RBM44: variants seen among roughly 807,000 people sequenced by gnomAD.
The protein encoded by RBM44 is RNA-binding protein 44.
Under a neutral mutation model 105.1 loss-of-function variants are expected in RBM44, and 66 were observed. The observed-to-expected ratio is 0.63, with a 90% CI of 0.52 to 0.77. The LOEUF is 0.77. Among genes scored for constraint, RBM44 ranks in the 30% least tolerant of loss-of-function variants. The pLI is 0.00. For synonymous variants in RBM44, 365 were observed against 417.6 expected, an observed-to-expected ratio of 0.87 and a Z score of 1.54; for missense variants, 1,122 against 1,207.8, an observed-to-expected ratio of 0.93 and a Z score of 1.05.
In RBM44 at chr2:237,827,285, G is replaced by A; in HGVS notation, c.2485G>A (p.Gly829Ser). ...KNVEPSQRDK[G>S]YLIHVGGLCP... ...TGTTGAACCCTCACAAAGAGATAAA[G>A]GTTATTTGATACATGTTGGTGGCCT... Residue 829 changes from glycine to serine, a missense_variant, in exon 11 of 16, where the codon GGT becomes AGT. Physicochemically the swap from Gly to Ser is moderately conservative, Grantham distance 56 (BLOSUM62 0). This residue lies in a region of RBM44 where 918 missense variants were observed against 955.3 expected (regional missense o/e 0.96). Transcript: ENST00000316997. 1 of 1,594,894 alleles carries A rather than the reference G, an allele frequency of 6.3e-7. No homozygotes were observed. Among genetic ancestry groups the A allele is most frequent in the South Asian group, 1.1e-5 (1 of 88,464 alleles).
chr2:237,821,366 T>C lies in RBM44; in HGVS notation c.2118T>C (p.His706=). ...FASRLMKKET[H]VFSEADAEQD... ...TCCAGCTAATGAAAAAAGAAACACA[T>C]GTGTGAGTTATGGTTTCATTTGATT... Residue 706 remains histidine, a splice_region_variant and synonymous_variant, in exon 7 of 16, where the codon CAT becomes CAC. Coordinates refer to ENST00000316997, the MANE Select transcript of RBM44 (RefSeq NM_001080504.3). 6.4e-7 allele frequency: 1 copy of C among 1,557,080 alleles called. No individual in the cohort carries two copies. Among genetic ancestry groups the C allele is most frequent in the Non-Finnish European group, 8.7e-7 (1 of 1,148,112 alleles).
chr2:237,824,330 A>T lies in RBM44; in HGVS notation c.2360A>T (p.Asp787Val). ...HYQETSEDWS[D>V]AKESLTGVDV... is the part of the protein sequence containing the mutation. ...CAAGAGACAAGCGAAGACTGGTCTG[A>T]TGCTAAAGAGAGCCTGACAGGAGTT... Residue 787 changes from aspartate (D) to valine (V), a missense_variant, in exon 10 of 16, where the codon GAT becomes GTT. Coordinates refer to ENST00000316997, the MANE Select transcript of RBM44 (RefSeq NM_001080504.3). 6.2e-7 allele frequency: 1 copy of T among 1,612,968 alleles called. No individual in the cohort carries two copies. Among genetic ancestry groups the T allele is most frequent in the Non-Finnish European group, 8.5e-7 (1 of 1,179,214 alleles).
In RBM44 at chr2:237,821,726, T is replaced by G; in HGVS notation, c.2121-17T>G. 1 of 1,561,274 alleles carries G rather than the reference T, an allele frequency of 6.4e-7. No individual in the cohort carries two copies. The highest frequency in any genetic ancestry group is 8.8e-7 in the Non-Finnish European group (1 of 1,134,332). On this transcript the variant is annotated splice_polypyrimidine_tract_variant and intron_variant, in intron 7 of 15. Transcript: ENST00000316997. ...ATCAAACATTAGATCATATTTCTTC[T>G]GAAATGTTCTTTTTAGCTTTTCAGA...
At chr2:237,829,830 A>T (rs2061886233) in intron 13 of RBM44, among the ~76,000 whole-genome samples, 1 of 152,130 alleles carries the variant, frequency 6.6e-6, no homozygotes, top group South Asian at 2.1e-4. Flanking sequence ...ACTTTATCTC[A>T]TAATTGTTAA....
intron 13 of RBM44, among the ~76,000 whole-genome samples, chr2:237,832,172 T>G (rs2061910532): frequency 1.3e-5 from 2 of 151,018 alleles, no homozygotes; most frequent in African/African-American, 2.4e-5. Context: ...TTTTTTTTTT[T>G]GAGACAGGAT....
rs1327443197 is a variant in RBM44, at chr2:237,818,436, G to T, written c.1517G>T (p.Arg506Leu). 1.2e-6 allele frequency: 2 copies of T among 1,612,962 alleles called. No homozygotes were observed. The highest frequency in any genetic ancestry group is 1.1e-5 in the South Asian group (1 of 90,962). Reference protein sequence around the residue: ...NTEITMMNKKRPDEWQNEKQK... With the variant: ...NTEITMMNKKLPDEWQNEKQK... ...GAGATAACAATGATGAATAAAAAAC[G>T]ACCTGATGAATGGCAAAATGAGAAA... The change falls in exon 3 of 16, where the codon CGA becomes CTA. Residue 506 changes from arginine (R) to leucine (L), a missense_variant. By Grantham distance (102) the Arg-to-Leu change is moderately radical (BLOSUM62 -2). Transcript: ENST00000316997. This position sits in a 1 kb window ranked among gnomAD's most constrained non-coding sequence, Gnocchi z 4.6.
At chr2:237,821,421 A>T in intron 7 of RBM44, 53 bp downstream of exon 7, 1 of 1,326,350 alleles carries the variant, frequency 7.5e-7, no homozygotes, top group African/African-American at 1.5e-5. Context: ...AAAATTGCTT[A>T]ATTCAGTTAA....
At chr2:237,820,036 A>G (rs940893257) in intron 4 of RBM44, 139 bp from the exon 5 acceptor site, 1 of 454,312 alleles carries the variant, frequency 2.2e-6, no homozygotes, top group African/African-American at 2.0e-5. Context: ...ATATATTCCT[A>G]CAGCCTCTTC....
intron 5 of RBM44, 40 bp from the exon 6 acceptor site, chr2:237,821,031 G>A (rs1288859473): frequency 7.0e-7 from 1 of 1,436,274 alleles, no homozygotes; most frequent in Non-Finnish European, 9.5e-7. Context: ...GATGACTTAG[G>A]CCTAAATAAT....
At position 237,823,467 on chromosome 2, in the gene RBM44, G is replaced by A. The variant is rs1483525559; in HGVS notation, c.2233G>A (p.Ala745Thr). The change falls in exon 9 of 16, where the codon GCT (alanine) becomes ACT (threonine). Residue 745 changes from alanine (A) to threonine (T), a missense_variant. Around this residue, in one of 3 missense-constraint regions of RBM44, gnomAD observed 918 missense variants for 955.3 expected, o/e 0.96. Transcript: ENST00000316997. Reference sequence around the variant, plus strand: ...GTCTTTATCATCTGACAATAGTCATGCTACACAAAACATATCACCCAAGAA... The same window carrying A: ...GTCTTTATCATCTGACAATAGTCATACTACACAAAACATATCACCCAAGAA... ...QMSLSSDNSH[A>T]TQNISPKKDD... is the part of the protein sequence containing the mutation. 4.6e-6 allele frequency: 7 copies of A among 1,523,074 alleles called. No individual in the cohort carries two copies. The South Asian group carries it at 8.4e-5, about 18-fold the overall frequency. 94.3% of individuals were successfully genotyped at this position (1,523,074 alleles called of 1,614,324 possible).
intron 1 of RBM44, among the ~76,000 whole-genome samples, chr2:237,810,539 G>A (rs1280447757): frequency 6.6e-6 from 1 of 152,114 alleles, no homozygotes; most frequent in Non-Finnish European, 1.5e-5. Context: ...TTACTGGCCA[G>A]GTCCAGGTCT....
chr2:237,802,076 A>G (rs1400151393), intron 1 of RBM44, among the ~76,000 whole-genome samples: 2 of 152,242 alleles, frequency 1.3e-5, no homozygotes, highest in African/African-American at 2.4e-5. Context: ...CTTTCAGTCA[A>G]AATCAATACT....
At chr2:237,822,017 C>T (rs759719424) in intron 8 of RBM44, among the ~76,000 whole-genome samples, 190 bp downstream of exon 8, 8 of 151,942 alleles carry the variant, frequency 5.3e-5, no homozygotes, top group Non-Finnish European at 7.4e-5. Context: ...AGATGTCAAC[C>T]GTATATGTTG....
chr2:237,824,891 T>C (rs2061832004), intron 10 of RBM44, among the ~76,000 whole-genome samples: 1 of 152,170 alleles, frequency 6.6e-6, no homozygotes, highest in Admixed American at 6.5e-5. Context: ...TAATTTTCTC[T>C]AGTACCTGTG....
chr2:237,822,133 C>A (rs1230713070), intron 8 of RBM44, among the ~76,000 whole-genome samples: 3 of 151,944 alleles, frequency 2.0e-5, no homozygotes, highest in East Asian at 1.9e-4. Context: ...CTGTCCTGGG[C>A]AAACAATAAT....
Position 237,821,792 on chromosome 2 carries a change from G to C in RBM44, c.2170G>C (p.Asp724His), listed in dbSNP as rs1367490093. The change falls in exon 8 of 16, where the codon GAT (aspartate) becomes CAT (histidine). Residue 724 changes from aspartate to histidine, a missense_variant. Coordinates refer to ENST00000316997, the MANE Select transcript of RBM44 (RefSeq NM_001080504.3). ...AGATAATCAGAGGGCTCATGATGTT[G>C]ATGTTTCTTCAAACCTAAAAAAGAC... ...EQDNQRAHDV[D>H]VSSNLKKTLS... 17 of 1,611,212 alleles carry C rather than the reference G, an allele frequency of 1.1e-5. No individual in the cohort carries two copies. The highest frequency in any genetic ancestry group is 1.4e-5 in the Non-Finnish European group (17 of 1,178,228).
Position 237,824,350 on chromosome 2 carries a change from G to A in RBM44, c.2380G>A (p.Gly794Arg). Residue 794 changes from glycine to arginine, a missense_variant, in exon 10 of 16, where the codon GGA becomes AGA. Physicochemically the swap from Gly to Arg is moderately radical, Grantham distance 125. Around this residue, in one of 3 missense-constraint regions of RBM44, gnomAD observed 918 missense variants for 955.3 expected, o/e 0.96. Coordinates refer to ENST00000316997, the MANE Select transcript of RBM44 (RefSeq NM_001080504.3). ...GTCTGATGCTAAAGAGAGCCTGACA[G>A]GAGTTGACGTCTCAGGGACACAGGG... is the stretch of plus-strand genomic sequence containing the variant. Reference protein sequence around the residue: ...DWSDAKESLTGVDVSGTQGNQ... With the variant: ...DWSDAKESLTRVDVSGTQGNQ... 3.1e-6 allele frequency: 5 copies of A among 1,612,730 alleles called. No homozygotes were observed. The highest frequency in any genetic ancestry group is 4.2e-6 in the Non-Finnish European group (5 of 1,179,036).
intron 1 of RBM44, among the ~76,000 whole-genome samples, chr2:237,805,668 A>C (rs2061592393): frequency 1.3e-5 from 2 of 152,212 alleles, no homozygotes; most frequent in African/African-American, 2.4e-5. Context: ...CAAAGACTTA[A>C]ATGTAAGACC....
At chr2:237,801,944 G>A (rs953941827) in intron 1 of RBM44, among the ~76,000 whole-genome samples, 2 of 152,066 alleles carry the variant, frequency 1.3e-5, no homozygotes, top group Non-Finnish European at 2.9e-5. Flanking sequence ...GAGAATTTTA[G>A]TTTTTAATTG....
Sources: gnomAD v4.1 joint callset for allele counts (sites outside exome capture counted in the v4.1 genomes callset) on GRCh38, gnomAD v4.1.1 for gene constraint, gnomAD v4.1.1 regional missense constraint, Gnocchi (gnomAD v3.1) non-coding constraint, MANE v1.5 for transcripts, NCBI Gene and HGNC (gene_info 2026-07-23, HGNC 2026-07-21) for gene names.